Variants in HSP90AA1 observed in about 807,000 individuals in gnomAD.
HSP90AA1 encodes the protein heat shock protein 90 alpha family class A member 1.
Under a neutral mutation model 73.3 loss-of-function variants are expected in HSP90AA1, and 18 were observed. The observed-to-expected ratio is 0.25, with a 90% CI of 0.17 to 0.36. HSP90AA1 has a LOEUF of 0.36. HSP90AA1 is among the 10% of genes least tolerant of loss of function. The pLI is 1.00. For synonymous variants in HSP90AA1, 477 were observed against 296.9 expected, an observed-to-expected ratio of 1.61 and a Z score of -6.24; for missense variants, 704 against 874.2, an observed-to-expected ratio of 0.81 and a Z score of 2.45.
At chr14:102,104,600 T>G (rs1006530295) in intron 1 of HSP90AA1, among the ~76,000 whole-genome samples, 3 of 152,182 alleles carry the variant, frequency 2.0e-5, no homozygotes, top group Non-Finnish European at 4.4e-5. Context: ...TTCTTTGTGC[T>G]GAGAACACTA....
At position 102,086,065 on chromosome 14, in the gene HSP90AA1, T is replaced by C. The variant is rs2049223545; in HGVS notation, c.222A>G (p.Lys74=). ...TCGGTATAAGGTTAATATGCAGCTC[T>C]TTCCCAGAGTCTAATTTACTGGGAT... The part of the protein sequence containing the change: ...LTDPSKLDSG[K]ELHINLIPNK... Residue 74 remains lysine (K), a synonymous_variant, in exon 3 of 11, where the codon AAA becomes AAG. Transcript: ENST00000216281. 1.9e-6 allele frequency: 3 copies of C among 1,613,924 alleles called. No homozygotes were observed. The highest frequency in any genetic ancestry group is 4.5e-5 in the East Asian group (2 of 44,890).
At chr14:102,127,054 A>T (rs1055768222) in intron 1 of HSP90AA1, among the ~76,000 whole-genome samples, 94 of 149,056 alleles carry the variant, frequency 6.3e-4, no homozygotes, top group African/African-American at 1.5e-3. Context: ...TTTTTTTTTT[A>T]AATCACCTCT....
chr14:102,088,088 G>T (rs934200710), upstream of HSP90AA1, among the ~76,000 whole-genome samples: 9 of 151,834 alleles, frequency 5.9e-5, no homozygotes, highest in African/African-American at 2.2e-4. Context: ...GCTGGGACGA[G>T]CGTGGGCAGA....
At chr14:102,117,715 GAAACT>G (rs2049724625) in intron 1 of HSP90AA1, among the ~76,000 whole-genome samples, 1 of 152,106 alleles carries the variant, frequency 6.6e-6, no homozygotes, top group African/African-American at 2.4e-5. Flanking sequence ...ACCGAATGGC[GAAACT>G]AAAAGAACTG....
chr14:102,134,075 TG>T (rs1195808537), intron 1 of HSP90AA1, among the ~76,000 whole-genome samples: 1 of 150,972 alleles, frequency 6.6e-6, no homozygotes. Context: ...TGCTTCAACC[TG>T]GGAGACAGAG....
chr14:102,088,581 G>C (rs1267866329), upstream of HSP90AA1, among the ~76,000 whole-genome samples: 1 of 152,220 alleles, frequency 6.6e-6, no homozygotes, highest in Non-Finnish European at 1.5e-5. Flanking sequence ...CCCCAGCGGT[G>C]GTGACCGGGT....
chr14:102,128,969 G>A (rs1252822429), intron 1 of HSP90AA1, among the ~76,000 whole-genome samples: 2 of 152,094 alleles, frequency 1.3e-5, no homozygotes, highest in Non-Finnish European at 2.9e-5. Context: ...AGAGCCCTTA[G>A]TGTTTCAGAA....
chr14:102,120,664 C>T (rs114385875), intron 1 of HSP90AA1, among the ~76,000 whole-genome samples: 2,589 of 151,710 alleles, frequency 0.017, 79 homozygotes, highest in African/African-American at 0.06. Flanking sequence ...CTTTTTAGGC[C>T]GGGTGCGATG....
rs184569943 is a variant in HSP90AA1 at position 102,115,016 on chromosome 14, C to T, written c.156-12931G>A. Among the ~76,000 whole-genome samples the T allele has an allele frequency of 2.3e-3, 350 of 151,462 alleles. 2 individuals carry two copies. Among genetic ancestry groups the T allele is most frequent in the African/African-American group, 7.9e-3 (327 of 41,340 alleles). ...AAAATTAGCTGGGTGTAGTGGCGGG[C>T]GCCTGTAGTCCCACCTGCTACTCGG... is the stretch of plus-strand genomic sequence containing the variant. On this transcript the variant is annotated intron_variant, in intron 1 of 11. Transcript: ENST00000334701.
At chr14:102,138,553 A>T (rs1010650753) in intron 1 of HSP90AA1, among the ~76,000 whole-genome samples, 2 of 152,336 alleles carry the variant, frequency 1.3e-5, no homozygotes, top group African/African-American at 4.8e-5. Flanking sequence ...GTTATTATCA[A>T]ATGTATTACT....
intron 1 of HSP90AA1, among the ~76,000 whole-genome samples, chr14:102,105,175 C>G (rs2049548670): frequency 6.9e-6 from 1 of 144,196 alleles, no homozygotes; most frequent in African/African-American, 2.6e-5. Flanking sequence ...CCACTGCACT[C>G]CAGCCTGGGC....
In HSP90AA1 at chr14:102,085,990, G is replaced by A. The variant is rs2049221427; in HGVS notation, c.297C>T (p.Thr99=). 9.9e-6 allele frequency: 16 copies of A among 1,613,882 alleles called. No homozygotes were observed. Among genetic ancestry groups the A allele is most frequent in the African/African-American group, 8.0e-5 (6 of 75,002 alleles). The change falls in exon 3 of 11, where the codon ACC becomes ACT. Residue 99 remains threonine (T), a synonymous_variant. Transcript: ENST00000216281. ...CAAGGTTATTGATCAAGTCAGCCTT[G>A]GTCATTCCAATTCCAGTATCCACAA... ...LTIVDTGIGM[T]KADLINNLGT...
intron 1 of HSP90AA1, among the ~76,000 whole-genome samples, chr14:102,131,841 T>C (rs2049910266): frequency 6.6e-6 from 1 of 152,248 alleles, no homozygotes; most frequent in African/African-American, 2.4e-5. Context: ...GCTTATCCTT[T>C]GTTTTCTCCC....
At chr14:102,129,628 G>T (rs547035813) in intron 1 of HSP90AA1, among the ~76,000 whole-genome samples, 1 of 151,044 alleles carries the variant, frequency 6.6e-6, no homozygotes, top group East Asian at 2.0e-4. Context: ...TCAGCCTCTC[G>T]AGTAGCTAGA....
chr14:102,082,982 C>CT, intron 9 of HSP90AA1, 52 bp downstream of exon 9: 1 of 1,574,238 alleles, frequency 6.4e-7, no homozygotes, highest in Non-Finnish European at 8.7e-7. Context: ...TATGACTAAG[C>CT]TTGAAAGCAC....
chr14:102,085,279 C>T lies in HSP90AA1; in HGVS notation c.663+19G>A. 1 of 1,607,414 alleles carries T rather than the reference C, an allele frequency of 6.2e-7. No individual in the cohort carries two copies. The highest frequency in any genetic ancestry group is 1.1e-5 in the South Asian group (1 of 90,906). On this transcript the variant is annotated intron_variant, in intron 4 of 10. Transcript: ENST00000216281. ...CACCTACAGACAGAAATTCACTCTG[C>T]AATTACATAAAAACTTACAAAAAGA... is the stretch of plus-strand genomic sequence containing the variant.
intron 1 of HSP90AA1, among the ~76,000 whole-genome samples, chr14:102,127,448 A>G (rs1343090896): frequency 6.6e-6 from 1 of 152,172 alleles, no homozygotes; most frequent in African/African-American, 2.4e-5. Context: ...GCCTTATGAC[A>G]GTTCTCTTAT....
In HSP90AA1 at chr14:102,085,344, A is replaced by C. The variant is rs2049200782; in HGVS notation, c.617T>G (p.Ile206Ser). 1.2e-6 allele frequency: 2 copies of C among 1,611,244 alleles called. No individual in the cohort carries two copies. Among genetic ancestry groups the C allele is most frequent in the African/African-American group, 1.3e-5 (1 of 74,958 alleles). Reference protein sequence around the residue: ...EYLEERRIKEIVKKHSQFIGY... With the variant: ...EYLEERRIKESVKKHSQFIGY... ...AATAAACTGAGAATGTTTCTTCACA[A>C]TCTCCTTTATTCTTCGTTCCTCCAA... The change falls in exon 4 of 11, where the codon ATT (isoleucine) becomes AGT (serine). Residue 206 changes from isoleucine to serine, a missense_variant. Ile to Ser is a moderately radical substitution (Grantham distance 142). Coordinates refer to ENST00000216281, the MANE Select transcript of HSP90AA1 (RefSeq NM_005348.4).
intron 2 of HSP90AA1, among the ~76,000 whole-genome samples, chr14:102,099,775 C>T (rs1000807645): frequency 1.3e-5 from 2 of 152,200 alleles, no homozygotes; most frequent in African/African-American, 4.8e-5. Context: ...AGTGTCAGCC[C>T]GTTAGTGCTA....
Sources: allele counts gnomAD v4.1 joint callset (sites outside exome capture counted in the v4.1 genomes callset), GRCh38; gene constraint gnomAD v4.1.1; transcripts MANE v1.5; gene names NCBI Gene and HGNC (gene_info 2026-07-23, HGNC 2026-07-21).